Variants in RNF216 observed in about 807,000 individuals in gnomAD.
RNF216 encodes the protein ring finger protein 216.
RNF216 carries 72 observed loss-of-function variants against 110.8 expected under a neutral mutation model. The ratio of observed to expected loss-of-function variants is 0.65; its 90% CI spans 0.54 to 0.79. The LOEUF (loss-of-function observed/expected upper bound fraction) is 0.79. RNF216 is among the 30% of genes least tolerant of loss of function. The probability of loss-of-function intolerance (pLI) is 0.00; values close to 1 mark genes in which losing one functional copy is unlikely to be tolerated. For missense variants in RNF216, 1,342 were observed against 1,141.2 expected (o/e 1.18, Z -2.54); for synonymous variants, 495 against 407.5 (o/e 1.21, Z -2.59).
In RNF216 at chr7:5,696,787, G is replaced by A. The variant is rs1011522732; in HGVS notation, c.2061+14974C>T. 7.2e-5 allele frequency among the ~76,000 whole-genome samples: 11 copies of A among 152,180 alleles called. No homozygotes were observed. The highest frequency in any genetic ancestry group is 6.5e-4 in the Admixed American group (10 of 15,276). On this transcript the variant is annotated intron_variant, in intron 13 of 16. Coordinates refer to ENST00000389902, the MANE Select transcript of RNF216 (RefSeq NM_207111.4). The surrounding 1 kb of genome is among the most constrained non-coding windows in gnomAD (Gnocchi z 5.4). The stretch of plus-strand genomic sequence containing the variant: ...CTGCAACATTGTACGAACGGGCTCT[G>A]GGAGGGCTGTAGGAGGACGGCATGT...
chr7:5,755,012 A>G (rs1795544886), intron 2 of RNF216, among the ~76,000 whole-genome samples: 1 of 140,238 alleles, frequency 7.1e-6, no homozygotes, highest in African/African-American at 2.6e-5. Context: ...TGGGTGCTAG[A>G]GCAAGACCCT....
At chr7:5,704,497 C>T (rs998224021) in intron 13 of RNF216, among the ~76,000 whole-genome samples, 3 of 152,344 alleles carry the variant, frequency 2.0e-5, no homozygotes, top group Non-Finnish European at 2.9e-5. Context: ...ATAACATGGA[C>T]TTCTTAGATA....
chr7:5,732,485 CCAATT>C (rs1794150862), intron 5 of RNF216, among the ~76,000 whole-genome samples: 1 of 152,106 alleles, frequency 6.6e-6, no homozygotes, highest in Admixed American at 6.6e-5. Flanking sequence ...TCATCTCTCC[CCAATT>C]CATTTTATAT....
At chr7:5,661,798 G>A (rs1789160762) in intron 13 of RNF216, among the ~76,000 whole-genome samples, 1 of 152,118 alleles carries the variant, frequency 6.6e-6, no homozygotes, top group African/African-American at 2.4e-5. Flanking sequence ...ATGAGACTCT[G>A]CTCAAACAAA....
chr7:5,754,334 A>T (rs76738281), intron 2 of RNF216, among the ~76,000 whole-genome samples: 11,305 of 150,772 alleles, frequency 0.075, 1,397 homozygotes, highest in African/African-American at 0.26. Context: ...TAAAAAAAAA[A>T]TTTTTTTTTG....
Position 5,760,936 on chromosome 7 carries a change from A to G in RNF216, c.67+67T>C. The G allele has an allele frequency of 8.0e-6, 10 of 1,248,246 alleles. No individual in the cohort carries two copies. In the South Asian group the frequency reaches 1.3e-4, roughly 17 times the overall value. The allele number at this position is 1,248,246 out of a possible 1,614,324, so 77.3% of individuals were successfully genotyped here. ...TGGTACAAAATAGGTTCATTTCAAA[A>G]GATACAGCTGTGATACTAAAAGAAA... is the stretch of plus-strand genomic sequence containing the variant. On this transcript the variant is annotated intron_variant, in intron 2 of 16. Coordinates refer to ENST00000389902, the MANE Select transcript of RNF216 (RefSeq NM_207111.4).
intron 1 of RNF216, among the ~76,000 whole-genome samples, chr7:5,769,121 CTTTT>C (rs68129648): frequency 2.1e-4 from 27 of 128,576 alleles, no homozygotes; most frequent in South Asian, 7.6e-4. Context: ...TTCCAAATGC[CTTTT>C]TTTTTTTTTT....
intron 13 of RNF216, among the ~76,000 whole-genome samples, chr7:5,667,866 T>C (rs748549962): frequency 1.6e-4 from 25 of 152,076 alleles, no homozygotes; most frequent in African/African-American, 5.1e-4. Context: ...CTGGATCAGA[T>C]TGGGGAAAGG....
intron 2 of RNF216, among the ~76,000 whole-genome samples, chr7:5,757,412 T>G (rs201228022): frequency 2.6e-5 from 4 of 151,394 alleles, no homozygotes; most frequent in African/African-American, 4.8e-5. Flanking sequence ...TCAGCTCTTT[T>G]TGTGTGTGTG....
intron 3 of RNF216, among the ~76,000 whole-genome samples, chr7:5,742,624 C>G (rs1410444067): frequency 9.6e-6 from 1 of 104,616 alleles, no homozygotes; most frequent in East Asian, 3.2e-4. Context: ...GAGACAGAGT[C>G]TCGCTCTATT....
At position 5,621,765 on chromosome 7, in the gene RNF216, T is replaced by G. The variant is rs1336487127; in HGVS notation, c.*1095A>C. On this transcript the variant is annotated 3_prime_UTR_variant, in exon 17 of 17. Coordinates refer to ENST00000389902, the MANE Select transcript of RNF216 (RefSeq NM_207111.4). ...CCTCTCATCTGTCAATGGGCCAGAGTGATGCCTCAGGCACCGCTAGAAACC... is the reference window on the plus strand; with the variant it reads ...CCTCTCATCTGTCAATGGGCCAGAGGGATGCCTCAGGCACCGCTAGAAACC... The G allele has an allele frequency of 6.6e-6, 1 of 152,312 alleles. No homozygotes were observed. Among genetic ancestry groups the G allele is most frequent in the Non-Finnish European group, 1.5e-5 (1 of 68,276 alleles). The allele number at this position is 152,312 out of a possible 1,614,324, so 9.4% of individuals were successfully genotyped here.
At chr7:5,752,727 G>C (rs940578038) in intron 3 of RNF216, 119 bp downstream of exon 3, 5 of 918,394 alleles carry the variant, frequency 5.4e-6, no homozygotes, top group African/African-American at 3.4e-5. Flanking sequence ...AATGGAAAAG[G>C]GGCTGTTCTC....
chr7:5,734,096 C>T (rs1363435818), intron 5 of RNF216, among the ~76,000 whole-genome samples: 1 of 152,138 alleles, frequency 6.6e-6, no homozygotes, highest in African/African-American at 2.4e-5. Flanking sequence ...TGCTGGAAGA[C>T]ACAAACATAG....
At chr7:5,710,388 A>C (rs1392960111) in intron 13 of RNF216, among the ~76,000 whole-genome samples, 1 of 151,874 alleles carries the variant, frequency 6.6e-6, no homozygotes, top group Non-Finnish European at 1.5e-5. Flanking sequence ...CAAAAACAAA[A>C]AACGTCCTCA....
At chr7:5,702,151 G>A (rs906062337) in intron 13 of RNF216, among the ~76,000 whole-genome samples, 3 of 152,182 alleles carry the variant, frequency 2.0e-5, no homozygotes, top group South Asian at 2.1e-4. Context: ...GCCACCTGCC[G>A]GGGGGTCAGC....
intron 8 of RNF216, among the ~76,000 whole-genome samples, chr7:5,723,481 A>C (rs1793565984): frequency 6.6e-6 from 1 of 151,966 alleles, no homozygotes; most frequent in South Asian, 2.1e-4. Flanking sequence ...CCCCGTCTCT[A>C]CTAAAAACAC....
intron 1 of RNF216, chr7:5,777,629 C>T (rs1056116625): frequency 1.3e-5 from 2 of 152,034 alleles, no homozygotes; most frequent in African/African-American, 2.4e-5. Flanking sequence ...GATGGTGATG[C>T]TATTAAGGAA....
intron 8 of RNF216, among the ~76,000 whole-genome samples, chr7:5,722,082 C>A (rs1186862127): frequency 6.6e-6 from 1 of 152,138 alleles, no homozygotes; most frequent in Non-Finnish European, 1.5e-5. Flanking sequence ...TGCCACCACA[C>A]CCAGCTAATT....
At position 5,655,093 on chromosome 7, in the gene RNF216, TA is replaced by T. The variant is rs1168830331; in HGVS notation, c.2062-2584del. Among the ~76,000 whole-genome samples the T allele has an allele frequency of 7.2e-5, 11 of 152,348 alleles. No homozygotes were observed. In the South Asian group the frequency reaches 2.3e-3, roughly 32 times the overall value. On this transcript the variant is annotated intron_variant, in intron 13 of 16. Coordinates refer to ENST00000389902, the MANE Select transcript of RNF216 (RefSeq NM_207111.4). ...TTAGCATTCCTGGCAATTCCGTTAT[TA>T]ATTCATGGGTCTTCCTCATAAGGGA...
Sources: gnomAD v4.1 joint callset for allele counts (sites outside exome capture counted in the v4.1 genomes callset) on GRCh38, gnomAD v4.1.1 for gene constraint, Gnocchi (gnomAD v3.1) non-coding constraint, MANE v1.5 for transcripts, NCBI Gene and HGNC (gene_info 2026-07-23, HGNC 2026-07-21) for gene names.